EXD3: variants seen among roughly 807,000 people sequenced by gnomAD.
EXD3 encodes the protein exonuclease mut-7 homolog.
EXD3 carries 92 observed loss-of-function variants against 98.0 expected under a neutral mutation model. That is an observed-to-expected ratio of 0.94 (90% confidence interval 0.79 to 1.12). EXD3 has a LOEUF of 1.12. EXD3 is among the 50% of genes most tolerant of loss of function. The probability of loss-of-function intolerance (pLI) is 0.00; values close to 1 mark genes in which losing one functional copy is unlikely to be tolerated. For synonymous variants in EXD3, 569 were observed against 526.0 expected (o/e 1.08, Z -1.12); for missense variants, 1,222 against 1,191.6 (o/e 1.03, Z -0.38).
At chr9:137,366,418 C>T in intron 7 of EXD3, 75 bp downstream of exon 7, 1 of 1,523,022 alleles carries the variant, frequency 6.6e-7, no homozygotes, top group Non-Finnish European at 8.9e-7. Flanking sequence ...CCTGCTGCCC[C>T]CCTACACTCC....
intron 3 of EXD3, chr9:137,381,256 C>CA (rs201076803): frequency 0.16 from 23,435 of 145,098 alleles, 2,019 homozygotes; most frequent in African/African-American, 0.24. Flanking sequence ...ACTAAAAATA[C>CA]AAAAAAAAAA....
chr9:137,355,332 C>T lies in EXD3; in HGVS notation c.758-559G>A, dbSNP rs111549978. 9.2e-3 allele frequency among the ~76,000 whole-genome samples: 1,397 copies of T among 151,974 alleles called. 22 individuals carry two copies. Among genetic ancestry groups the T allele is most frequent in the African/African-American group, 0.032 (1,319 of 41,354 alleles). On this transcript the variant is annotated intron_variant, in intron 8 of 21. Transcript: ENST00000340951. Reference sequence around the variant, plus strand: ...TGCTAACGGGCTGGCTGGTCCTCAGCGGGGTGCCGACCTTTCAGGGCCCCA... The same window carrying T: ...TGCTAACGGGCTGGCTGGTCCTCAGTGGGGTGCCGACCTTTCAGGGCCCCA...
rs569140514 is a variant in EXD3 at position 137,311,533 on chromosome 9, C to T, written c.2185-1833G>A. On this transcript the variant is annotated intron_variant, in intron 19 of 21. Transcript: ENST00000340951. ...GCCTTCCCAGGACCTGGGCCAGGTG[C>T]GCACGCCTGGGCGGGGCCAGCCAGC... 5.9e-5 allele frequency among the ~76,000 whole-genome samples: 9 copies of T among 152,356 alleles called. No homozygotes were observed. In the East Asian group the frequency reaches 1.3e-3, roughly 23 times the overall value.
Position 137,349,440 on chromosome 9 carries a change from G to A in EXD3, c.1586C>T (p.Ala529Val), listed in dbSNP as rs751626631. 2.5e-6 allele frequency: 4 copies of A among 1,601,296 alleles called. No homozygotes were observed. The highest frequency in any genetic ancestry group is 3.4e-5 in the Admixed American group (2 of 59,104). The change falls in exon 15 of 22, where the codon GCC becomes GTC. Residue 529 changes from alanine (A) to valine (V), a missense_variant. Ala to Val is a moderately conservative substitution (Grantham distance 64, BLOSUM62 0). Coordinates refer to ENST00000340951, the MANE Select transcript of EXD3 (RefSeq NM_017820.5). This position sits in a 1 kb window ranked among gnomAD's most constrained non-coding sequence, Gnocchi z 7.4. ...GGACAGCTGCTGCGTCTTGTCCAGGGCTGTGCCCAGCACCTGCTGCACCAG... is the reference window on the plus strand; with the variant it reads ...GGACAGCTGCTGCGTCTTGTCCAGGACTGTGCCCAGCACCTGCTGCACCAG... ...SLLVQQVLGT[A>V]LDKTQQLSNW...
Position 137,419,893 on chromosome 9 carries a change from C to T in EXD3, c.-48+3221G>A, listed in dbSNP as rs577070183. On this transcript the variant is annotated intron_variant, in intron 1 of 21. Transcript: ENST00000340951. Reference sequence around the variant, plus strand: ...AGAAAAAAGCGGCCGGGCGCGGTGGCTCATGCCTGTAATCCCAGCACTTTG... The same window carrying T: ...AGAAAAAAGCGGCCGGGCGCGGTGGTTCATGCCTGTAATCCCAGCACTTTG... Among the ~76,000 whole-genome samples, 788 of 152,262 alleles carry T rather than the reference C, an allele frequency of 5.2e-3. 2 individuals are homozygous for T. The highest frequency in any genetic ancestry group is 8.1e-3 in the Non-Finnish European group (550 of 68,026).
intron 1 of EXD3, among the ~76,000 whole-genome samples, chr9:137,411,691 G>A (rs1231617094): frequency 2.1e-5 from 3 of 144,800 alleles, no homozygotes; most frequent in South Asian, 2.3e-4. Context: ...AGGCGGAGGC[G>A]GGGGTGGGGG....
chr9:137,332,242 A>G, intron 17 of EXD3, among the ~76,000 whole-genome samples: 1 of 146,802 alleles, frequency 6.8e-6, no homozygotes, highest in Non-Finnish European at 1.5e-5. Context: ...AACAATCCTA[A>G]AATCTGTATG....
chr9:137,321,500 T>C (rs2119091169), intron 19 of EXD3, among the ~76,000 whole-genome samples: 1 of 152,284 alleles, frequency 6.6e-6, no homozygotes, highest in Non-Finnish European at 1.5e-5. Context: ...CTGACCAACA[T>C]GGTGAAACCC....
intron 7 of EXD3, chr9:137,366,271 C>G (rs1320172590): frequency 6.9e-6 from 5 of 721,222 alleles, no homozygotes; most frequent in Non-Finnish European, 1.0e-5. Flanking sequence ...GAGCAGTTAA[C>G]TCTTTTCACT....
chr9:137,371,529 A>T lies in EXD3; in HGVS notation c.462+1376T>A, dbSNP rs912466096. On this transcript the variant is annotated intron_variant, in intron 5 of 21. Coordinates refer to ENST00000340951, the MANE Select transcript of EXD3 (RefSeq NM_017820.5). This position sits in a 1 kb window ranked among gnomAD's most constrained non-coding sequence, Gnocchi z 8.0. ...GGTGCCATCGGGACGGCGTCTCAGCAGCAGGGTCCCACGTGGGCAGGCAGC... is the reference window on the plus strand; with the variant it reads ...GGTGCCATCGGGACGGCGTCTCAGCTGCAGGGTCCCACGTGGGCAGGCAGC... 6.6e-6 allele frequency among the ~76,000 whole-genome samples: 1 copy of T among 152,072 alleles called. No individual in the cohort carries two copies. Among genetic ancestry groups the T allele is most frequent in the African/African-American group, 2.4e-5 (1 of 41,420 alleles).
chr9:137,355,450 TGGAGGAAGGAGAAA>T (rs1834599901), intron 8 of EXD3, among the ~76,000 whole-genome samples: 5 of 9,534 alleles, frequency 5.2e-4, no homozygotes, highest in Non-Finnish European at 1.0e-3. Context: ...GAAGGGAGGA[TGGAGGAAGGAGAAA>T]GGAGGAAGGA....
intron 19 of EXD3, among the ~76,000 whole-genome samples, chr9:137,315,839 TG>T: frequency 6.6e-6 from 1 of 151,150 alleles, no homozygotes; most frequent in East Asian, 2.0e-4. Flanking sequence ...CCACCTGCCT[TG>T]GGTCAAACCA....
rs971254885 is a variant in EXD3, at chr9:137,307,630, C to G, written c.2295G>C (p.Gln765His). Residue 765 changes from glutamine to histidine, a missense_variant, in exon 21 of 22, where the codon CAG becomes CAC. Transcript: ENST00000340951. ...CACCTGGCTCCTGCACCGCCTGGCT[C>G]TGGGTGGCCTCGTCACCTGTCAGTC... ...GPRSSGDEAT[Q>H]SQAVQEPGPA... 6.2e-7 allele frequency: 1 copy of G among 1,610,244 alleles called. No homozygotes were observed. Among genetic ancestry groups the G allele is most frequent in the African/African-American group, 1.3e-5 (1 of 75,064 alleles).
Position 137,371,425 on chromosome 9 carries a change from AG to A in EXD3, c.462+1479del, listed in dbSNP as rs890767615. 7.0e-4 allele frequency among the ~76,000 whole-genome samples: 106 copies of A among 152,146 alleles called. No individual in the cohort carries two copies. The highest frequency in any genetic ancestry group is 2.5e-3 in the African/African-American group (104 of 41,518). On this transcript the variant is annotated intron_variant, in intron 5 of 21. Transcript: ENST00000340951. The surrounding 1 kb of genome is among the most constrained non-coding windows in gnomAD (Gnocchi z 8.0). ...GGGACACTCCTGTGAGGGCCCGGCC[AG>A]GGCAGCCCCCGATGCCCGTGCCCAG...
chr9:137,331,903 G>A (rs1354282813), intron 17 of EXD3, among the ~76,000 whole-genome samples: 1 of 152,052 alleles, frequency 6.6e-6, no homozygotes, highest in Non-Finnish European at 1.5e-5. Flanking sequence ...GCAACAGGGT[G>A]AGACTCCGTC....
intron 1 of EXD3, among the ~76,000 whole-genome samples, chr9:137,406,970 T>C (rs1349191180): frequency 2.6e-5 from 4 of 151,934 alleles, no homozygotes; most frequent in African/African-American, 9.7e-5. Context: ...CAACACTGCC[T>C]CCCAGCGTCC....
chr9:137,405,022 C>T lies in EXD3; in HGVS notation c.-47-9618G>A, dbSNP rs191997758. Among the ~76,000 whole-genome samples, 36 of 152,216 alleles carry T rather than the reference C, an allele frequency of 2.4e-4. No individual in the cohort carries two copies. The highest frequency in any genetic ancestry group is 3.1e-4 in the Non-Finnish European group (21 of 67,990). On this transcript the variant is annotated intron_variant, in intron 1 of 21. Coordinates refer to ENST00000340951, the MANE Select transcript of EXD3 (RefSeq NM_017820.5). The surrounding 1 kb of genome is among the most constrained non-coding windows in gnomAD (Gnocchi z 4.1). ...AGGGGACACAGTGCTATCCCCCAGG[C>T]GAGCCGGGTGCTGGGAGGGGACACG...
rs1011564189 is a variant in EXD3 at position 137,367,628 on chromosome 9, C to T, written c.516+308G>A. On this transcript the variant is annotated intron_variant, in intron 6 of 21. Coordinates refer to ENST00000340951, the MANE Select transcript of EXD3 (RefSeq NM_017820.5). ...GAGGGTCCCAGAAGCACATGGGCTG[C>T]GTGTCCTCGAGGCAGCTGGTGCCCA... The T allele has an allele frequency of 2.4e-5, 8 of 340,194 alleles. 1 individual carries two copies. Among genetic ancestry groups the T allele is most frequent in the South Asian group, 1.3e-4 (4 of 30,154 alleles). The allele number at this position is 340,194 out of a possible 1,614,324, so 21.1% of individuals were successfully genotyped here. A position where few individuals can be genotyped will look rare whatever the true frequency, so the allele number is the denominator to read the frequency against.
At chr9:137,367,007 A>G (rs1482718441) in intron 6 of EXD3, among the ~76,000 whole-genome samples, 1 of 152,238 alleles carries the variant, frequency 6.6e-6, no homozygotes, top group Non-Finnish European at 1.5e-5. Flanking sequence ...CAGGTCTGCA[A>G]GACCCACACG....
Sources: allele counts gnomAD v4.1 joint callset (sites outside exome capture counted in the v4.1 genomes callset), GRCh38; gene constraint gnomAD v4.1.1; non-coding constraint Gnocchi (gnomAD v3.1); transcripts MANE v1.5; gene names NCBI Gene and HGNC (gene_info 2026-07-23, HGNC 2026-07-21).